Variants in EYS observed in about 807,000 individuals in gnomAD.
EYS encodes protein eyes shut homolog.
A neutral mutation model predicts 282.1 loss-of-function variants in EYS; 250 were observed. The observed-to-expected ratio is 0.89, with a 90% CI of 0.80 to 0.98. EYS has a LOEUF of 0.98. Ranked by LOEUF, EYS falls within the 50% of genes least tolerant of loss-of-function variation. EYS has a pLI of 0.00. For missense variants in EYS, 4,016 were observed against 3,709.0 expected (o/e 1.08, Z -2.15); for synonymous variants, 1,355 against 1,282.9 (o/e 1.06, Z -1.20).
At chr6:64,806,559 A>G (rs1764434846) in intron 22 of EYS, among the ~76,000 whole-genome samples, 1 of 152,142 alleles carries the variant, frequency 6.6e-6, no homozygotes, top group Non-Finnish European at 1.5e-5. Flanking sequence ...GGAATCAAAC[A>G]TTAAAGCTTA....
At chr6:64,993,899 T>G (rs181873023) in intron 14 of EYS, among the ~76,000 whole-genome samples, 85 of 150,744 alleles carry the variant, frequency 5.6e-4, no homozygotes, top group Non-Finnish European at 1.1e-3. Flanking sequence ...GTGTGTGTGA[T>G]GTGTGTGATA....
chr6:65,467,307 A>T lies in EYS; in HGVS notation c.862+23287T>A, dbSNP rs1249752634. Reference sequence around the variant, plus strand: ...TTCTAATCATATGCAGAGAAACTGGATTATCTAGCAAGTAAATGCATAGAA... The same window carrying T: ...TTCTAATCATATGCAGAGAAACTGGTTTATCTAGCAAGTAAATGCATAGAA... On this transcript the variant is annotated intron_variant, in intron 5 of 42. Transcript: ENST00000503581. 2.0e-5 allele frequency among the ~76,000 whole-genome samples: 3 copies of T among 152,146 alleles called. No homozygotes were observed. The East Asian group carries it at 5.8e-4, about 29-fold the overall frequency.
intron 40 of EYS, among the ~76,000 whole-genome samples, chr6:63,771,787 C>CA (rs1050195702): frequency 6.6e-6 from 1 of 151,102 alleles, no homozygotes; most frequent in African/African-American, 2.4e-5. Flanking sequence ...AATAAAGAAA[C>CA]AAAAAATGTG....
At chr6:63,738,089 A>G (rs574477684) in intron 41 of EYS, among the ~76,000 whole-genome samples, 1 of 152,148 alleles carries the variant, frequency 6.6e-6, no homozygotes, top group African/African-American at 2.4e-5. Flanking sequence ...AGGAAACAAC[A>G]GGTGCTGGAG....
intron 1 of EYS, among the ~76,000 whole-genome samples, chr6:65,677,105 G>GAAAAAAA (rs58880200): frequency 2.3e-4 from 25 of 107,602 alleles, no homozygotes; most frequent in Admixed American, 3.1e-4. Flanking sequence ...AGTCATTGGT[G>GAAAAAAA]AAAAAAAAAA....
chr6:64,514,526 A>T (rs568624136), intron 26 of EYS, among the ~76,000 whole-genome samples: 4 of 151,868 alleles, frequency 2.6e-5, no homozygotes, highest in Non-Finnish European at 5.9e-5. Context: ...GAACACTACA[A>T]AGGCATAAGG....
At chr6:65,598,323 T>C (rs1029937435) in intron 2 of EYS, among the ~76,000 whole-genome samples, 15 of 147,302 alleles carry the variant, frequency 1.0e-4, no homozygotes, top group South Asian at 4.3e-4. Flanking sequence ...TCAGGAAAAC[T>C]GATATACTAT....
chr6:64,286,807 T>G (rs1281740854), intron 30 of EYS, among the ~76,000 whole-genome samples: 1 of 152,318 alleles, frequency 6.6e-6, no homozygotes, highest in East Asian at 1.9e-4. Flanking sequence ...GTTAATATTT[T>G]CATACTTATA....
intron 22 of EYS, among the ~76,000 whole-genome samples, chr6:64,791,383 T>C: frequency 6.6e-6 from 1 of 151,818 alleles, no homozygotes; most frequent in East Asian, 1.9e-4. Flanking sequence ...CACACTATAT[T>C]ATTCACACAG....
intron 30 of EYS, among the ~76,000 whole-genome samples, chr6:64,296,578 A>T (rs1561913732): frequency 1.7e-4 from 1 of 5,906 alleles, no homozygotes; most frequent in African/African-American, 1.1e-3. Context: ...ATATATATAT[A>T]TATATACATA....
At chr6:64,110,401 T>C (rs973391626) in intron 31 of EYS, among the ~76,000 whole-genome samples, 2 of 151,964 alleles carry the variant, frequency 1.3e-5, no homozygotes, top group Admixed American at 1.3e-4. Flanking sequence ...GGATATACCA[T>C]GTTATAAAAA....
chr6:65,284,471 T>A (rs1768305832), intron 12 of EYS, among the ~76,000 whole-genome samples: 1 of 152,234 alleles, frequency 6.6e-6, no homozygotes, highest in Non-Finnish European at 1.5e-5. Context: ...TGCTTATAAC[T>A]ATTAAAATTG....
intron 22 of EYS, among the ~76,000 whole-genome samples, chr6:64,703,029 C>T (rs1770843466): frequency 6.6e-6 from 1 of 151,872 alleles, no homozygotes; most frequent in Non-Finnish European, 1.5e-5. Context: ...TTTTCACACT[C>T]TCAAGAACTG....
chr6:65,689,325 G>C lies in EYS; in HGVS notation c.-448+17810C>G, dbSNP rs970183565. Among the ~76,000 whole-genome samples the C allele has an allele frequency of 2.7e-5, 4 of 149,730 alleles. 1 individual carries two copies. The East Asian group carries it at 9.3e-4, about 35-fold the overall frequency. ...CACTCATAGGTGGGAATTGAACAAT[G>C]AGAACACATGGACACAAGAAGGGGA... is the stretch of plus-strand genomic sequence containing the variant. On this transcript the variant is annotated intron_variant, in intron 1 of 42. Transcript: ENST00000503581.
intron 12 of EYS, among the ~76,000 whole-genome samples, chr6:65,171,235 G>A (rs1433128326): frequency 6.6e-6 from 1 of 151,440 alleles, no homozygotes; most frequent in African/African-American, 2.4e-5. Context: ...TAATTATTGG[G>A]TCTTACATGC....
At chr6:64,148,697 TTC>T (rs1679616733) in intron 31 of EYS, among the ~76,000 whole-genome samples, 1 of 152,120 alleles carries the variant, frequency 6.6e-6, no homozygotes, top group South Asian at 2.1e-4. Context: ...GTCCTATACT[TTC>T]TTTGTTTCTA....
chr6:65,243,724 C>T (rs937549771), intron 12 of EYS, among the ~76,000 whole-genome samples: 3 of 151,886 alleles, frequency 2.0e-5, no homozygotes, highest in African/African-American at 4.8e-5. Flanking sequence ...ATCAACATAG[C>T]GAGACCCCCA....
At chr6:64,970,575 T>C (rs768366174) in intron 14 of EYS, among the ~76,000 whole-genome samples, 2 of 152,204 alleles carry the variant, frequency 1.3e-5, no homozygotes, top group African/African-American at 2.4e-5. Flanking sequence ...TAAAACATCA[T>C]GTGATGCTAA....
chr6:63,909,963 G>A (rs1344475305), intron 35 of EYS, among the ~76,000 whole-genome samples: 1 of 152,098 alleles, frequency 6.6e-6, no homozygotes. Context: ...AAATGAGGGA[G>A]GATGACACCT....
Sources: gnomAD v4.1 joint callset for allele counts (sites outside exome capture counted in the v4.1 genomes callset) on GRCh38, gnomAD v4.1.1 for gene constraint, MANE v1.5 for transcripts, NCBI Gene and HGNC (gene_info 2026-07-23, HGNC 2026-07-21) for gene names.